ZFC3H1: variants seen among roughly 807,000 people sequenced by gnomAD.
The protein encoded by ZFC3H1 is zinc finger C3H1 domain-containing protein.
ZFC3H1 carries 71 observed loss-of-function variants against 243.7 expected under a neutral mutation model. That is an observed-to-expected ratio of 0.29 (90% CI 0.24 to 0.36). The LOEUF is 0.36. Among genes scored for constraint, ZFC3H1 ranks in the 10% least tolerant of loss-of-function variants. The probability of loss-of-function intolerance (pLI) is 1.00; values close to 1 mark genes in which losing one functional copy is unlikely to be tolerated. For missense variants in ZFC3H1, 1,966 were observed against 2,317.1 expected, an observed-to-expected ratio of 0.85 and a Z score of 3.11; for synonymous variants, 838 against 813.0, an observed-to-expected ratio of 1.03 and a Z score of -0.52.
chr12:71,635,955 G>A (rs1378728066), intron 9 of ZFC3H1, among the ~76,000 whole-genome samples: 3 of 152,014 alleles, frequency 2.0e-5, no homozygotes, highest in Non-Finnish European at 4.4e-5. Context: ...GCCAAAACTG[G>A]CTTACCTAAC....
chr12:71,640,789 A>G lies in ZFC3H1; in HGVS notation c.1627+1647T>C, dbSNP rs145594356. 1.1e-3 allele frequency among the ~76,000 whole-genome samples: 173 copies of G among 152,128 alleles called. 1 individual carries two copies. The highest frequency in any genetic ancestry group is 4.0e-3 in the African/African-American group (164 of 41,506). On this transcript the variant is annotated intron_variant, in intron 6 of 34. Coordinates refer to ENST00000378743, the MANE Select transcript of ZFC3H1 (RefSeq NM_144982.5). ...GGTATCCTAGTGAAAAAAAATAAAT[A>G]ACCTTCTGGCAATTTCTGAACTGCC...
intron 3 of ZFC3H1, among the ~76,000 whole-genome samples, chr12:71,646,588 G>A (rs957014130): frequency 5.9e-5 from 9 of 152,222 alleles, no homozygotes; most frequent in African/African-American, 2.2e-4. Flanking sequence ...CTGTTCCATT[G>A]AGACAAAGTC....
At chr12:71,635,374 C>G in intron 10 of ZFC3H1, 69 bp downstream of exon 10, 1 of 1,508,304 alleles carries the variant, frequency 6.6e-7, no homozygotes, top group Non-Finnish European at 8.8e-7. Context: ...GTTTAATTTT[C>G]AGGAAAAAAT....
At chr12:71,648,964 G>A (rs775276074) in intron 2 of ZFC3H1, among the ~76,000 whole-genome samples, 74 of 151,800 alleles carry the variant, frequency 4.9e-4, no homozygotes, top group South Asian at 2.1e-4. Flanking sequence ...GGTGGTGCAC[G>A]CCTGTAGTCC....
intron 24 of ZFC3H1, among the ~76,000 whole-genome samples, chr12:71,622,575 G>A (rs1880058718): frequency 6.6e-6 from 1 of 152,028 alleles, no homozygotes; most frequent in Non-Finnish European, 1.5e-5. Flanking sequence ...CGATTCTCAT[G>A]CCTCAGCCTC....
At position 71,623,979 on chromosome 12, in the gene ZFC3H1, G is replaced by T. The variant is rs1880095345; in HGVS notation, c.4506+125C>A. 6.0e-6 allele frequency: 6 copies of T among 998,304 alleles called. No homozygotes were observed. In the South Asian group the frequency reaches 1.1e-4, roughly 19 times the overall value. The allele number at this position is 998,304 out of a possible 1,614,324, so 61.8% of individuals were successfully genotyped here. On this transcript the variant is annotated intron_variant, in intron 23 of 34. Coordinates refer to ENST00000378743, the MANE Select transcript of ZFC3H1 (RefSeq NM_144982.5). ...CCAATGTCACATGACTTACTAGTAA[G>T]TGGAAAAACAAGGATTCAAATCCAA...
rs1880362970 is a variant in ZFC3H1 at position 71,632,991 on chromosome 12, T to G, written c.2712A>C (p.Thr904=). ...ATTTTAGAGTCAAAGCTTTCTTAAT[T>G]GTAACACGCTGTTGAACTCTGTGAA... is the stretch of plus-strand genomic sequence containing the variant. ...EQIHRVQQRV[T]IKKALTLKYG... The change falls in exon 14 of 35, where the codon ACA becomes ACC. Residue 904 remains threonine (T), a synonymous_variant. Coordinates refer to ENST00000378743, the MANE Select transcript of ZFC3H1 (RefSeq NM_144982.5). 6.2e-7 allele frequency: 1 copy of G among 1,612,438 alleles called. No homozygotes were observed. The highest frequency in any genetic ancestry group is 1.3e-5 in the African/African-American group (1 of 74,822).
chr12:71,623,408 C>A lies in ZFC3H1; in HGVS notation c.4696G>T (p.Val1566Phe). ...TCAGGATTAGTCTTTACATCTTGAACAGCTTGCCATGGCATTACAAATGAT... is the reference window on the plus strand; with the variant it reads ...TCAGGATTAGTCTTTACATCTTGAAAAGCTTGCCATGGCATTACAAATGAT... ...TESFVMPWQA[V>F]QDVKTNPDML... The change falls in exon 24 of 35, where the codon GTT (valine) becomes TTT (phenylalanine). Residue 1566 changes from valine to phenylalanine, a missense_variant. Around this residue, in one of 4 missense-constraint regions of ZFC3H1, gnomAD observed 1,383 missense variants for 1,723.7 expected, o/e 0.80. Transcript: ENST00000378743. The A allele has an allele frequency of 6.2e-7, 1 of 1,613,494 alleles. No individual in the cohort carries two copies. Among genetic ancestry groups the A allele is most frequent in the Non-Finnish European group, 8.5e-7 (1 of 1,179,754 alleles).
chr12:71,663,446 T>A lies in ZFC3H1; in HGVS notation c.165A>T (p.Arg55=). The change falls in exon 1 of 35, where the codon CGA becomes CGT. Residue 55 remains arginine (R), a synonymous_variant. Transcript: ENST00000378743. The stretch of plus-strand genomic sequence containing the variant: ...CGCCCCGGGCCGAGTGAGGAGGCCT[T>A]CGCCGCGGATAGGGTAACAGCCCGC... ...SGGGLLPYPR[R]RPPHSARGGG... 6.2e-7 allele frequency: 1 copy of A among 1,612,172 alleles called. No individual in the cohort carries two copies. The highest frequency in any genetic ancestry group is 8.5e-7 in the Non-Finnish European group (1 of 1,180,022).
chr12:71,648,602 A>C (rs1880789517), intron 2 of ZFC3H1, among the ~76,000 whole-genome samples: 1 of 152,224 alleles, frequency 6.6e-6, no homozygotes, highest in South Asian at 2.1e-4. Flanking sequence ...CACACCTGTC[A>C]ATGTTCCAAA....
rs760800301 is a variant in ZFC3H1, at chr12:71,638,512, G to A, written c.1631C>T (p.Pro544Leu). The change falls in exon 7 of 35, where the codon CCT becomes CTT. Residue 544 changes from proline (P) to leucine (L), a missense_variant. Coordinates refer to ENST00000378743, the MANE Select transcript of ZFC3H1 (RefSeq NM_144982.5). ...DTDSETSSPA[P>L]SPVQPPFFSE... ...GAAAAATGGCGGTTGCACTGGTGAA[G>A]GAGCTGTAAAAAAATTTTTTGTTAA... 7 of 1,599,276 alleles carry A rather than the reference G, an allele frequency of 4.4e-6. No individual in the cohort carries two copies. The Admixed American group carries it at 5.4e-5, about 12-fold the overall frequency.
chr12:71,641,950 A>G (rs1317388573), intron 6 of ZFC3H1, among the ~76,000 whole-genome samples: 1 of 152,160 alleles, frequency 6.6e-6, no homozygotes, highest in African/African-American at 2.4e-5. Context: ...TCCAGGTTCA[A>G]GAAATTCTCA....
chr12:71,628,808 AT>A (rs1278908504), intron 20 of ZFC3H1, 109 bp downstream of exon 20: 332 of 1,192,020 alleles, frequency 2.8e-4, no homozygotes, highest in South Asian at 5.7e-4. Context: ...TTTAAAAAAA[AT>A]TTTTTTTTAA....
rs1269067965 is a variant in ZFC3H1, at chr12:71,663,548, C to G, written c.63G>C (p.Glu21Asp). 6.2e-7 allele frequency: 1 copy of G among 1,613,442 alleles called. No individual in the cohort carries two copies. The highest frequency in any genetic ancestry group is 8.5e-7 in the Non-Finnish European group (1 of 1,180,046). Residue 21 changes from glutamate to aspartate, a missense_variant, in exon 1 of 35, where the codon GAG becomes GAC. This residue lies in a region of ZFC3H1 where 484 missense variants were observed against 449.7 expected (regional missense o/e 1.08). Coordinates refer to ENST00000378743, the MANE Select transcript of ZFC3H1 (RefSeq NM_144982.5). ...SSGLSPKEEG[E>D]LEDGEISDDD... ...CGTCACTGATTTCCCCATCTTCAAG[C>G]TCCCCTTCTTCCTTCGGCGAGAGGC...
In ZFC3H1 at chr12:71,644,088, T is replaced by A. The variant is rs753889986; in HGVS notation, c.1503+7A>T. 6.2e-7 allele frequency: 1 copy of A among 1,605,338 alleles called. No individual in the cohort carries two copies. The highest frequency in any genetic ancestry group is 8.5e-7 in the Non-Finnish European group (1 of 1,175,474). On this transcript the variant is annotated splice_region_variant and intron_variant, in intron 5 of 34. Transcript: ENST00000378743. ...ACGTTTTGATTTTATATTTTTGCAT[T>A]TCTTACTTTACTTCTTGATCTCCTC...
At position 71,623,575 on chromosome 12, in the gene ZFC3H1, T is replaced by G. The variant is rs904279670; in HGVS notation, c.4529A>C (p.Asp1510Ala). Residue 1510 changes from aspartate to alanine, a missense_variant, in exon 24 of 35, where the codon GAT (aspartate) becomes GCT (alanine). Asp to Ala is a moderately radical substitution (Grantham distance 126). This residue lies in a region of ZFC3H1 where 1,383 missense variants were observed against 1,723.7 expected (regional missense o/e 0.80). Transcript: ENST00000378743. ...TTTAAGGTATTCAGCTACTATTCCA[T>G]CATTAGCAGATTTCAATGCATTCTA... ...ILQNALKSAN[D>A]GIVAEYLKTS... 1.2e-6 allele frequency: 2 copies of G among 1,609,076 alleles called. No individual in the cohort carries two copies. The highest frequency in any genetic ancestry group is 1.7e-6 in the Non-Finnish European group (2 of 1,178,486).
intron 2 of ZFC3H1, among the ~76,000 whole-genome samples, chr12:71,654,405 C>G (rs1880964981): frequency 6.6e-6 from 1 of 152,178 alleles, no homozygotes; most frequent in African/African-American, 2.4e-5. Flanking sequence ...CATACTCCTG[C>G]ACTCTAGCCT....
Position 71,624,086 on chromosome 12 carries a change from G to A in ZFC3H1, c.4506+18C>T, listed in dbSNP as rs528782612. 3.8e-6 allele frequency: 6 copies of A among 1,597,708 alleles called. No individual in the cohort carries two copies. Among genetic ancestry groups the A allele is most frequent in the African/African-American group, 1.4e-5 (1 of 73,816 alleles). On this transcript the variant is annotated intron_variant, in intron 23 of 34. Transcript: ENST00000378743. ...CTTTTTCTGCAAAATGCAATTAAAT[G>A]CTGTACCAAGTGCTTACCTGTAAAA...
intron 19 of ZFC3H1, 24 bp downstream of exon 19, chr12:71,629,585 A>ACACACACC (rs1880267568): frequency 6.8e-7 from 1 of 1,463,028 alleles, no homozygotes; most frequent in Non-Finnish European, 9.6e-7. Context: ...ACACACACAC[A>ACACACACC]CACACACTTA....
Sources: allele counts gnomAD v4.1 joint callset (sites outside exome capture counted in the v4.1 genomes callset), GRCh38; gene constraint gnomAD v4.1.1; regional missense constraint gnomAD v4.1.1; transcripts MANE v1.5; gene names NCBI Gene and HGNC (gene_info 2026-07-23, HGNC 2026-07-21).